The following FIGN variants were observed in gnomAD, a reference collection of about 807,000 sequenced individuals.
FIGN encodes the protein fidgetin, microtubule severing factor, also known as fidgetin.
A neutral mutation model predicts 51.3 loss-of-function variants in FIGN; 11 were observed. The observed-to-expected ratio is 0.21, with a 90% CI of 0.13 to 0.35. FIGN has a LOEUF of 0.35. FIGN is among the 10% of genes least tolerant of loss of function. The pLI, the probability that FIGN is intolerant of heterozygous loss-of-function variation, is 1.00. For synonymous variants in FIGN, 407 were observed against 363.2 expected, an observed-to-expected ratio of 1.12 and a Z score of -1.37; for missense variants, 857 against 943.6, an observed-to-expected ratio of 0.91 and a Z score of 1.20.
rs150136272 is a variant in FIGN, at chr2:163,731,288, A to G, written c.25+3615T>C. Among the ~76,000 whole-genome samples, 225 of 152,268 alleles carry G rather than the reference A, an allele frequency of 1.5e-3. 1 individual carries two copies. The highest frequency in any genetic ancestry group is 3.3e-3 in the Admixed American group (50 of 15,286). Reference sequence around the variant, plus strand: ...GCTCAGGAAAAAATAATTAACCTATAATGAAATTACCCATTTATCTTTTCA... The same window carrying G: ...GCTCAGGAAAAAATAATTAACCTATGATGAAATTACCCATTTATCTTTTCA... On this transcript the variant is annotated intron_variant, in intron 2 of 2. Transcript: ENST00000333129.
At chr2:163,624,708 A>ATATATATT (rs564288395) in intron 2 of FIGN, among the ~76,000 whole-genome samples, 29 of 145,484 alleles carry the variant, frequency 2.0e-4, no homozygotes, top group African/African-American at 7.1e-4. Flanking sequence ...ATATATATAT[A>ATATATATT]TTTTTTTTTT....
intron 2 of FIGN, among the ~76,000 whole-genome samples, chr2:163,663,689 C>A (rs908965260): frequency 1.3e-5 from 2 of 151,480 alleles, no homozygotes; most frequent in African/African-American, 4.8e-5. Context: ...TCGAGACCAG[C>A]CTGACCAACA....
intron 2 of FIGN, among the ~76,000 whole-genome samples, chr2:163,614,440 T>C (rs995386687): frequency 7.2e-5 from 11 of 152,200 alleles, no homozygotes; most frequent in African/African-American, 2.7e-4. Context: ...GTGACTGTAA[T>C]GTAGAACTGT....
intron 2 of FIGN, among the ~76,000 whole-genome samples, chr2:163,658,895 C>A (rs1683606760): frequency 6.6e-6 from 1 of 152,152 alleles, no homozygotes; most frequent in African/African-American, 2.4e-5. Context: ...CTAGGAGTAT[C>A]AGTTCTTTCA....
chr2:163,625,807 T>C (rs1683045888), intron 2 of FIGN, among the ~76,000 whole-genome samples: 1 of 151,976 alleles, frequency 6.6e-6, no homozygotes, highest in African/African-American at 2.4e-5. Context: ...TCTCACATGG[T>C]AACATAAATA....
intron 2 of FIGN, among the ~76,000 whole-genome samples, chr2:163,696,247 A>G (rs1259282396): frequency 1.3e-5 from 2 of 152,198 alleles, no homozygotes; most frequent in African/African-American, 4.8e-5. Flanking sequence ...AAAATTCTTA[A>G]TAAGAGCAGA....
Position 163,605,088 on chromosome 2 carries a change from T to A in FIGN, c.*4464A>T, listed in dbSNP as rs1691078913. ...ACAACTCTGTGGCAAGGCTGACCCA[T>A]GCTGCCGACATTCTACATATCACTG... On this transcript the variant is annotated 3_prime_UTR_variant, in exon 3 of 3. Coordinates refer to ENST00000333129, the MANE Select transcript of FIGN (RefSeq NM_018086.4). 1 of 151,914 alleles carries A rather than the reference T, an allele frequency of 6.6e-6. No homozygotes were observed. The highest frequency in any genetic ancestry group is 2.1e-4 in the South Asian group (1 of 4,818). 9.4% of individuals were successfully genotyped at this position (151,914 alleles called of 1,614,324 possible).
intron 2 of FIGN, among the ~76,000 whole-genome samples, chr2:163,707,973 C>T (rs1684527982): frequency 6.6e-6 from 1 of 151,988 alleles, no homozygotes; most frequent in African/African-American, 2.4e-5. Context: ...ATTGTGATAT[C>T]AAATCCTATT....
rs75175205 is a variant in FIGN, at chr2:163,660,603, C to T, written c.26-48797G>A. 8.5e-3 allele frequency among the ~76,000 whole-genome samples: 1,258 copies of T among 148,814 alleles called. 16 individuals carry two copies. The highest frequency in any genetic ancestry group is 0.011 in the Non-Finnish European group (766 of 67,392). The stretch of plus-strand genomic sequence containing the variant: ...ATAATTCCACCTCTGGTGGACTATT[C>T]AGACTTGACTGAGATTTTGTTAACA... On this transcript the variant is annotated intron_variant, in intron 2 of 2. Coordinates refer to ENST00000333129, the MANE Select transcript of FIGN (RefSeq NM_018086.4).
intron 2 of FIGN, among the ~76,000 whole-genome samples, chr2:163,645,135 GAATA>G (rs1337431957): frequency 1.3e-5 from 2 of 152,162 alleles, no homozygotes; most frequent in East Asian, 3.8e-4. Context: ...CATATCAGAT[GAATA>G]AATAAATCTG....
intron 2 of FIGN, among the ~76,000 whole-genome samples, chr2:163,722,013 A>G (rs2105363616): frequency 6.6e-6 from 1 of 152,330 alleles, no homozygotes; most frequent in African/African-American, 2.4e-5. Flanking sequence ...GAAATACTGT[A>G]ATGCTATTTA....
In FIGN at chr2:163,608,117, A is replaced by G. The variant is rs1304882735; in HGVS notation, c.*1435T>C. 6.6e-6 allele frequency: 1 copy of G among 152,608 alleles called. No individual in the cohort carries two copies. Among genetic ancestry groups the G allele is most frequent in the African/African-American group, 2.4e-5 (1 of 41,436 alleles). The allele number at this position is 152,608 out of a possible 1,614,324, so 9.5% of individuals were successfully genotyped here. A position where few individuals can be genotyped will look rare whatever the true frequency, so the allele number is the denominator to read the frequency against. The stretch of plus-strand genomic sequence containing the variant: ...GTGTCCACTTCCAATTTTCTACTTT[A>G]CTTTCCAAGAGAAATGTAACAAAAC... On this transcript the variant is annotated 3_prime_UTR_variant, in exon 3 of 3. Transcript: ENST00000333129.
chr2:163,689,896 A>G (rs977498287), intron 2 of FIGN, among the ~76,000 whole-genome samples: 2 of 152,166 alleles, frequency 1.3e-5, no homozygotes, highest in African/African-American at 4.8e-5. Context: ...AGCAGCAAAT[A>G]CTCTCTAAAA....
At chr2:163,668,032 C>A (rs1683812944) in intron 2 of FIGN, among the ~76,000 whole-genome samples, 1 of 106,448 alleles carries the variant, frequency 9.4e-6, no homozygotes, top group Non-Finnish European at 1.8e-5. Flanking sequence ...CCCCAAAAAA[C>A]CCTCCACAAG....
At chr2:163,655,804 C>CACACACACACAGAGAG (rs374458554) in intron 2 of FIGN, among the ~76,000 whole-genome samples, 6 of 145,778 alleles carry the variant, frequency 4.1e-5, no homozygotes, top group Admixed American at 1.4e-4. Flanking sequence ...CACACACACA[C>CACACACACACAGAGAG]AGAGAGAGAG....
chr2:163,604,358 T>C lies in FIGN; in HGVS notation c.*5194A>G, dbSNP rs1319782074. On this transcript the variant is annotated 3_prime_UTR_variant, in exon 3 of 3. Coordinates refer to ENST00000333129, the MANE Select transcript of FIGN (RefSeq NM_018086.4). ...TCTATTCTGTATATAATGTCCCAAA[T>C]GGGACCTCGATGAAGACCTACACAG... The C allele has an allele frequency of 1.3e-5, 2 of 152,090 alleles. No homozygotes were observed. The highest frequency in any genetic ancestry group is 4.8e-5 in the African/African-American group (2 of 41,448). The allele number at this position is 152,090 out of a possible 1,614,324, so 9.4% of individuals were successfully genotyped here.
rs55894952 is a variant in FIGN, at chr2:163,658,364, G to GCTCTCTCTCTCT, written c.26-46570_26-46559dup. On this transcript the variant is annotated intron_variant, in intron 2 of 2. Coordinates refer to ENST00000333129, the MANE Select transcript of FIGN (RefSeq NM_018086.4). ...TATCAGCGAATCTTCTTAAGAAACA[G>GCTCTCTCTCTCT]CTCTCTCTCTCTCTCTCTCTCTCTC... 8.1e-4 allele frequency among the ~76,000 whole-genome samples: 112 copies of GCTCTCTCTCTCT among 137,692 alleles called. 2 individuals carry two copies. The highest frequency in any genetic ancestry group is 2.9e-3 in the African/African-American group (104 of 36,080). The allele number at this position is 137,692 out of a possible 152,430, so 90.3% of individuals were successfully genotyped here. A position where few individuals can be genotyped will look rare whatever the true frequency, so the allele number is the denominator to read the frequency against.
At chr2:163,615,110 C>T (rs1412170398) in intron 2 of FIGN, among the ~76,000 whole-genome samples, 2 of 152,072 alleles carry the variant, frequency 1.3e-5, no homozygotes, top group Non-Finnish European at 2.9e-5. Flanking sequence ...ACACCATTGC[C>T]TTTTGATTGT....
chr2:163,725,535 G>A (rs926105702), intron 2 of FIGN, among the ~76,000 whole-genome samples: 1 of 151,930 alleles, frequency 6.6e-6, no homozygotes, highest in African/African-American at 2.4e-5. Flanking sequence ...TGCTGTAGTA[G>A]GGTAAAATTT....
Sources: gnomAD v4.1 joint callset for allele counts (sites outside exome capture counted in the v4.1 genomes callset) on GRCh38, gnomAD v4.1.1 for gene constraint, MANE v1.5 for transcripts, NCBI Gene and HGNC (gene_info 2026-07-23, HGNC 2026-07-21) for gene names.